The following RELN variants were observed in gnomAD, a reference collection of about 807,000 sequenced individuals.
RELN encodes the protein reelin.
In RELN, 108 loss-of-function variants were observed where a neutral mutation model predicts 427.6. That is an observed-to-expected ratio of 0.25 (90% CI 0.22 to 0.30). The LOEUF is 0.30. Among genes scored for constraint, RELN ranks in the 10% least tolerant of loss-of-function variants. The pLI, the probability that RELN is intolerant of heterozygous loss-of-function variation, is 1.00. For synonymous variants in RELN, 1,524 were observed against 1,513.4 expected (o/e 1.01, Z -0.16); for missense variants, 3,715 against 4,302.8 (o/e 0.86, Z 3.82).
chr7:103,515,475 G>A, intron 49 of RELN, 34 bp from the exon 50 acceptor site: 1 of 1,608,088 alleles, frequency 6.2e-7, no homozygotes, highest in African/African-American at 1.4e-5. Flanking sequence ...GTGTGGGGAA[G>A]AACCCTTGTC....
At position 103,773,193 on chromosome 7, in the gene RELN, TTCTTTCTC is replaced by T. The variant is rs1283769000; in HGVS notation, c.544+3356_544+3363del. 8.9e-5 allele frequency among the ~76,000 whole-genome samples: 12 copies of T among 134,222 alleles called. No individual in the cohort carries two copies. The East Asian group carries it at 2.0e-3, about 22-fold the overall frequency. 88.1% of individuals were successfully genotyped at this position (134,222 alleles called of 152,430 possible). ...TTCTTTCTTTCCTTCTTTCTTTTCTTTCTTTCTCTCTCTCTCTCTCTCTCCCTCCCTCC... is the reference window on the plus strand; with the variant it reads ...TTCTTTCTTTCCTTCTTTCTTTTCTTTCTCTCTCTCTCTCTCCCTCCCTCC... On this transcript the variant is annotated intron_variant, in intron 4 of 64. Coordinates refer to ENST00000428762, the MANE Select transcript of RELN (RefSeq NM_005045.4).
intron 8 of RELN, among the ~76,000 whole-genome samples, chr7:103,712,835 C>G (rs1245399908): frequency 1.3e-5 from 2 of 151,718 alleles, no homozygotes; most frequent in African/African-American, 4.8e-5. Context: ...ATACAAGGAT[C>G]AATCAATTGG....
intron 1 of RELN, among the ~76,000 whole-genome samples, chr7:103,971,816 T>C (rs531528655): frequency 2.7e-5 from 4 of 148,432 alleles, no homozygotes; most frequent in Admixed American, 1.4e-4. Flanking sequence ...CTGATGCCTG[T>C]AATCCCAGCA....
chr7:103,955,773 G>C (rs1304265753), intron 1 of RELN, among the ~76,000 whole-genome samples: 1 of 152,292 alleles, frequency 6.6e-6, no homozygotes, highest in South Asian at 2.1e-4. Context: ...AGTCTGATGG[G>C]CAGAGATTTT....
intron 28 of RELN, among the ~76,000 whole-genome samples, chr7:103,577,942 C>A (rs543477183): frequency 6.6e-6 from 1 of 152,334 alleles, no homozygotes; most frequent in East Asian, 1.9e-4. Flanking sequence ...CAGCTTCAGG[C>A]TCTCTCACCT....
At position 103,760,373 on chromosome 7, in the gene RELN, T is replaced by C. The variant is rs574788948; in HGVS notation, c.545-7159A>G. 3.9e-5 allele frequency among the ~76,000 whole-genome samples: 6 copies of C among 152,094 alleles called. No individual in the cohort carries two copies. In the South Asian group the frequency reaches 8.3e-4, roughly 21 times the overall value. ...AGTAGGCATATTAGAAAGAATGAGGTCGTGTTTAATTCCCCCAAAGGTTAT... is the reference window on the plus strand; with the variant it reads ...AGTAGGCATATTAGAAAGAATGAGGCCGTGTTTAATTCCCCCAAAGGTTAT... On this transcript the variant is annotated intron_variant, in intron 4 of 64. Coordinates refer to ENST00000428762, the MANE Select transcript of RELN (RefSeq NM_005045.4).
At chr7:103,657,936 A>C (rs77338886) in intron 12 of RELN, among the ~76,000 whole-genome samples, 5,407 of 152,244 alleles carry the variant, frequency 0.036, 151 homozygotes, top group East Asian at 0.14. Flanking sequence ...TTTTTAAAGA[A>C]TAATAATAGG....
intron 11 of RELN, among the ~76,000 whole-genome samples, chr7:103,664,352 G>A (rs1015505433): frequency 6.6e-6 from 1 of 152,172 alleles, no homozygotes; most frequent in Non-Finnish European, 1.5e-5. Context: ...AGAGAAATGA[G>A]TCCTAATGCC....
chr7:103,865,968 T>C lies in RELN; in HGVS notation c.338-32296A>G, dbSNP rs774434193. Among the ~76,000 whole-genome samples, 19 of 152,222 alleles carry C rather than the reference T, an allele frequency of 1.2e-4. 1 individual carries two copies. Among genetic ancestry groups the C allele is most frequent in the South Asian group, 2.1e-4 (1 of 4,818 alleles). The stretch of plus-strand genomic sequence containing the variant: ...TTGATATAACACCTAAATCTGATAT[T>C]TGAAAGCCATGGAACCTTGATCAAT... On this transcript the variant is annotated intron_variant, in intron 2 of 64. Transcript: ENST00000428762.
At chr7:103,503,909 A>AC in intron 51 of RELN, among the ~76,000 whole-genome samples, 1 of 151,514 alleles carries the variant, frequency 6.6e-6, no homozygotes, top group South Asian at 2.1e-4. Context: ...AAAAAAAAAA[A>AC]AAAAAAAAAC....
rs3025955 is a variant in RELN at position 103,594,201 on chromosome 7, A to G, written c.3711+120T>C. On this transcript the variant is annotated intron_variant, in intron 26 of 64. Transcript: ENST00000428762. Reference sequence around the variant, plus strand: ...GAGAGGTAACAAAAAATTAAGTACAAGCCCTTAAACTTATATTATACATTC... The same window carrying G: ...GAGAGGTAACAAAAAATTAAGTACAGGCCCTTAAACTTATATTATACATTC... 3.3e-3 allele frequency: 3,486 copies of G among 1,050,726 alleles called. 87 individuals carry two copies. The African/African-American group carries it at 0.048, about 14-fold the overall frequency. The allele number at this position is 1,050,726 out of a possible 1,614,324, so 65.1% of individuals were successfully genotyped here.
At chr7:103,728,254 A>G (rs2115935309) in intron 6 of RELN, 47 bp from the exon 7 acceptor site, 4 of 1,541,588 alleles carry the variant, frequency 2.6e-6, no homozygotes, top group Non-Finnish European at 3.6e-6. Flanking sequence ...TAAGTAGCAC[A>G]CGTGGTTTAC....
rs1187538150 is a variant in RELN at position 103,919,133 on chromosome 7, C to CTT, written c.227-1950_227-1949dup. On this transcript the variant is annotated intron_variant, in intron 1 of 64. Transcript: ENST00000428762. Reference sequence around the variant, plus strand: ...ATCCATATGTGAACTGATAATCGGTCTTTTTTTTTTTTTTTTTTTTTTTAG... The same window carrying CTT: ...ATCCATATGTGAACTGATAATCGGTCTTTTTTTTTTTTTTTTTTTTTTTTTAG... Among the ~76,000 whole-genome samples, 805 of 101,242 alleles carry CTT rather than the reference C, an allele frequency of 8.0e-3. 19 individuals are homozygous for CTT. Among genetic ancestry groups the CTT allele is most frequent in the African/African-American group, 0.025 (684 of 27,084 alleles). 66.4% of individuals were successfully genotyped at this position (101,242 alleles called of 152,430 possible).
At chr7:103,595,317 G>A (rs1831512779) in intron 25 of RELN, among the ~76,000 whole-genome samples, 1 of 152,136 alleles carries the variant, frequency 6.6e-6, no homozygotes, top group South Asian at 2.1e-4. Flanking sequence ...GCATCTAGGA[G>A]AATCTCACAA....
chr7:103,541,225 G>C (rs1830171766), intron 43 of RELN, among the ~76,000 whole-genome samples: 1 of 152,128 alleles, frequency 6.6e-6, no homozygotes, highest in Non-Finnish European at 1.5e-5. Context: ...GCAACCAGCT[G>C]GGGTGCCAAT....
chr7:103,583,085 G>A (rs547077956), intron 28 of RELN, among the ~76,000 whole-genome samples: 12 of 152,226 alleles, frequency 7.9e-5, no homozygotes, highest in African/African-American at 2.9e-4. Context: ...ACAGGCTGTG[G>A]GGGGAAAGTA....
At chr7:103,507,346 T>C (rs1829250115) in intron 51 of RELN, among the ~76,000 whole-genome samples, 1 of 152,170 alleles carries the variant, frequency 6.6e-6, no homozygotes, top group Non-Finnish European at 1.5e-5. Context: ...CAGACCACAG[T>C]GCAATCAAAT....
intron 3 of RELN, among the ~76,000 whole-genome samples, chr7:103,820,731 T>C (rs1792993243): frequency 6.6e-6 from 1 of 152,112 alleles, no homozygotes; most frequent in African/African-American, 2.4e-5. Flanking sequence ...AACAGCTCTA[T>C]TATACTGAAT....
intron 1 of RELN, among the ~76,000 whole-genome samples, chr7:103,962,602 A>T (rs1359880922): frequency 6.6e-6 from 1 of 151,926 alleles, no homozygotes; most frequent in Non-Finnish European, 1.5e-5. Flanking sequence ...GAAACTTGAA[A>T]TGCATTTTAG....
Sources: gnomAD v4.1 joint callset for allele counts (sites outside exome capture counted in the v4.1 genomes callset) on GRCh38, gnomAD v4.1.1 for gene constraint, MANE v1.5 for transcripts, NCBI Gene and HGNC (gene_info 2026-07-23, HGNC 2026-07-21) for gene names.